TLE2: variants seen among roughly 807,000 people sequenced by gnomAD.
TLE2 encodes transducin-like enhancer protein 2.
TLE2 carries 74 observed loss-of-function variants against 97.2 expected under a neutral mutation model. The observed-to-expected ratio is 0.76, with a 90% confidence interval of 0.63 to 0.92. TLE2 has a LOEUF of 0.92. Among genes scored for constraint, TLE2 ranks in the 40% least tolerant of loss-of-function variants. The pLI is 0.00. For synonymous variants in TLE2, 499 were observed against 432.1 expected (o/e 1.15, Z -1.92); for missense variants, 1,038 against 1,008.7 (o/e 1.03, Z -0.39).
chr19:3,046,078 TG>T (rs1171579262), upstream of TLE2, among the ~76,000 whole-genome samples: 1 of 152,136 alleles, frequency 6.6e-6, no homozygotes, highest in African/African-American at 2.4e-5. Context: ...CTAATTAGTC[TG>T]GTTGCCCCTA....
Position 3,006,439 on chromosome 19 carries a change from A to G in TLE2, c.1481T>C (p.Val494Ala), listed in dbSNP as rs763420066. Residue 494 changes from valine (V) to alanine (A), a missense_variant, in exon 15 of 20, where the codon GTG becomes GCG. Transcript: ENST00000262953. ...DVGQPGAKTP[V>A]AQLDCLNRDN... Reference sequence around the variant, plus strand: ...CCTCACCAGGCAGTCGAGCTGGGCCACGGGCGTCTTGGCCCCAGGCTGGCC... The same window carrying G: ...CCTCACCAGGCAGTCGAGCTGGGCCGCGGGCGTCTTGGCCCCAGGCTGGCC... 10 of 1,610,124 alleles carry G rather than the reference A, an allele frequency of 6.2e-6. No individual in the cohort carries two copies. The South Asian group carries it at 8.8e-5, about 14-fold the overall frequency.
In TLE2 at chr19:3,009,502, G is replaced by A. The variant is rs1428153744; in HGVS notation, c.1173+40C>T. 4 of 1,553,214 alleles carry A rather than the reference G, an allele frequency of 2.6e-6. No homozygotes were observed. In the Admixed American group the frequency reaches 6.0e-5, roughly 23 times the overall value. On this transcript the variant is annotated intron_variant, in intron 13 of 19. Transcript: ENST00000262953. ...TCTCCTCCCGGCCCCCAGCCCCTGG[G>A]CCCTGCTGACACCTCCTGCGCCCCC...
chr19:3,027,702 G>A (rs904111295), intron 4 of TLE2, 127 bp downstream of exon 4: 6 of 914,158 alleles, frequency 6.6e-6, no homozygotes, highest in African/African-American at 3.4e-5. Flanking sequence ...TGACCTCTGC[G>A]GAGATTTCAG....
intron 1 of TLE2, among the ~76,000 whole-genome samples, chr19:3,039,609 G>A (rs2090085772): frequency 6.6e-6 from 1 of 152,138 alleles, no homozygotes; most frequent in Non-Finnish European, 1.5e-5. Flanking sequence ...GTGGCTCTGG[G>A]AACACATACT....
intron 15 of TLE2, 164 bp downstream of exon 15, chr19:3,006,256 C>A: frequency 8.1e-7 from 1 of 1,238,984 alleles, no homozygotes; most frequent in Non-Finnish European, 1.2e-6. Context: ...ACCCCTTTGG[C>A]CTGCAAGCCT....
intron 9 of TLE2, among the ~76,000 whole-genome samples, chr19:3,015,153 G>A (rs1181229225): frequency 4.6e-5 from 7 of 151,464 alleles, no homozygotes; most frequent in African/African-American, 7.3e-5. Context: ...GCCAGTCTCC[G>A]GGGATCAAGT....
chr19:3,036,406 G>T (rs1030530958), intron 1 of TLE2, among the ~76,000 whole-genome samples: 1 of 152,332 alleles, frequency 6.6e-6, no homozygotes, highest in Middle Eastern at 3.4e-3. Flanking sequence ...GGCCCGGCGC[G>T]GTATAATTAC....
intron 1 of TLE2, among the ~76,000 whole-genome samples, chr19:3,034,467 C>A (rs181206289): frequency 1.6e-3 from 246 of 151,970 alleles, no homozygotes; most frequent in African/African-American, 5.6e-3. Flanking sequence ...CACCCCCAAC[C>A]CCCTCCAGCC....
At position 3,003,168 on chromosome 19, in the gene TLE2, A is replaced by T. The variant is rs183227147; in HGVS notation, c.1897-665T>A. ...ATTAATATTAATCAGAATTACACAGAACCCTAGGGCTGCACATCCATTATC... is the reference window on the plus strand; with the variant it reads ...ATTAATATTAATCAGAATTACACAGTACCCTAGGGCTGCACATCCATTATC... On this transcript the variant is annotated intron_variant, in intron 17 of 19. Transcript: ENST00000262953. 1.5e-3 allele frequency among the ~76,000 whole-genome samples: 232 copies of T among 152,304 alleles called. 2 individuals are homozygous for T. Among genetic ancestry groups the T allele is most frequent in the Admixed American group, 0.015 (223 of 15,286 alleles).
chr19:3,042,437 T>A (rs1283295214), intron 1 of TLE2, among the ~76,000 whole-genome samples: 1 of 8,822 alleles, frequency 1.1e-4, no homozygotes, highest in Non-Finnish European at 2.1e-4. Context: ...TGGGCCTGGG[T>A]GGGTGGGAGA....
At chr19:3,046,718 G>C (rs1289135337), upstream of TLE2, among the ~76,000 whole-genome samples, 1 of 152,046 alleles carries the variant, frequency 6.6e-6, no homozygotes, top group African/African-American at 2.4e-5. Flanking sequence ...ACGTCCCTCA[G>C]AATGGGGGAG....
intron 17 of TLE2, among the ~76,000 whole-genome samples, chr19:3,003,660 AAGAC>A (rs1568231376): frequency 7.0e-6 from 1 of 142,884 alleles, no homozygotes; most frequent in Non-Finnish European, 1.5e-5. Flanking sequence ...CAAAAAAAAT[AAGAC>A]AGACCAGGCC....
chr19:3,045,064 A>G (rs1045235062), intron 1 of TLE2, among the ~76,000 whole-genome samples: 1 of 152,024 alleles, frequency 6.6e-6, no homozygotes, highest in African/African-American at 2.4e-5. Flanking sequence ...CAAAAAAAAA[A>G]TTAGCTGGAT....
At chr19:3,035,094 C>T (rs974842776) in intron 1 of TLE2, among the ~76,000 whole-genome samples, 41 of 152,310 alleles carry the variant, frequency 2.7e-4, no homozygotes, top group African/African-American at 8.9e-4. Context: ...ACCACACACG[C>T]ACACAGGAAC....
chr19:3,029,073 G>T lies in TLE2; in HGVS notation c.-169C>A. 7.7e-7 allele frequency: 1 copy of T among 1,304,546 alleles called. No individual in the cohort carries two copies. The highest frequency in any genetic ancestry group is 3.0e-5 in the East Asian group (1 of 33,698). 80.8% of individuals were successfully genotyped at this position (1,304,546 alleles called of 1,614,324 possible). ...TGGAGTCCCTGGCGCGCCCCCAAGCGCGCGCGCCCGGGGTCGTGGGAGCCC... is the reference window on the plus strand; with the variant it reads ...TGGAGTCCCTGGCGCGCCCCCAAGCTCGCGCGCCCGGGGTCGTGGGAGCCC... On this transcript the variant is annotated 5_prime_UTR_variant, in exon 1 of 20. Transcript: ENST00000262953.
At chr19:3,034,351 T>G (rs1458594370) in intron 1 of TLE2, among the ~76,000 whole-genome samples, 2 of 151,506 alleles carry the variant, frequency 1.3e-5, no homozygotes, top group Non-Finnish European at 2.9e-5. Context: ...AACCCTCCCC[T>G]GGCTCCCTAT....
intron 4 of TLE2, 110 bp downstream of exon 4, chr19:3,027,719 A>G: frequency 9.4e-7 from 1 of 1,060,268 alleles, no homozygotes; most frequent in South Asian, 1.5e-5. Flanking sequence ...TCAGGATGAG[A>G]CCCGTGTTCC....
intron 5 of TLE2, among the ~76,000 whole-genome samples, chr19:3,021,117 G>A (rs1391441637): frequency 7.2e-5 from 9 of 124,816 alleles, no homozygotes; most frequent in African/African-American, 2.0e-4. Flanking sequence ...AAAAAAAAGG[G>A]GGGGGGGTGC....
At position 3,019,513 on chromosome 19, in the gene TLE2, A is replaced by G. The variant is rs2089794231; in HGVS notation, c.370-50T>C. 1.4e-6 allele frequency: 2 copies of G among 1,481,216 alleles called. No individual in the cohort carries two copies. The highest frequency in any genetic ancestry group is 1.4e-5 in the African/African-American group (1 of 71,688). The allele number at this position is 1,481,216 out of a possible 1,614,324, so 91.8% of individuals were successfully genotyped here. ...CCGGGGCGGGGGGCGGCAGGAGCCCAGCGGTCCCCAGCCCAAGAGGTAGAC... is the reference window on the plus strand; with the variant it reads ...CCGGGGCGGGGGGCGGCAGGAGCCCGGCGGTCCCCAGCCCAAGAGGTAGAC... On this transcript the variant is annotated intron_variant, in intron 6 of 19. Coordinates refer to ENST00000262953, the MANE Select transcript of TLE2 (RefSeq NM_003260.5). This position sits in a 1 kb window ranked among gnomAD's most constrained non-coding sequence, Gnocchi z 5.1.
Sources: allele counts gnomAD v4.1 joint callset (sites outside exome capture counted in the v4.1 genomes callset), GRCh38; gene constraint gnomAD v4.1.1; non-coding constraint Gnocchi (gnomAD v3.1); transcripts MANE v1.5; gene names NCBI Gene and HGNC (gene_info 2026-07-23, HGNC 2026-07-21).